IL16: variants seen among roughly 807,000 people sequenced by gnomAD.
The protein encoded by IL16 is pro-interleukin-16.
In IL16, 67 loss-of-function variants were observed where a neutral mutation model predicts 110.1. The ratio of observed to expected loss-of-function variants is 0.61; its 90% CI spans 0.50 to 0.75. The LOEUF (loss-of-function observed/expected upper bound fraction) is 0.75. Ranked by LOEUF, IL16 falls within the 30% of genes least tolerant of loss-of-function variation. The pLI, the probability that IL16 is intolerant of heterozygous loss-of-function variation, is 0.00. For synonymous variants in IL16, 689 were observed against 662.9 expected (o/e 1.04, Z -0.61); for missense variants, 1,545 against 1,655.0 (o/e 0.93, Z 1.15).
At chr15:81,238,675 A>C (rs1897251556) in intron 2 of IL16, among the ~76,000 whole-genome samples, 1 of 152,168 alleles carries the variant, frequency 6.6e-6, no homozygotes, top group Non-Finnish European at 1.5e-5. Flanking sequence ...ATAAAGGGAA[A>C]GATGATCTAT....
At chr15:81,270,550 C>T (rs1177537731) in intron 5 of IL16, among the ~76,000 whole-genome samples, 2 of 152,164 alleles carry the variant, frequency 1.3e-5, no homozygotes, top group African/African-American at 2.4e-5. Flanking sequence ...GATGCTGGGA[C>T]GAATGCTCCT....
intron 9 of IL16, among the ~76,000 whole-genome samples, chr15:81,284,004 GA>G (rs565288106): frequency 0.012 from 1,009 of 82,708 alleles, 8 homozygotes; most frequent in Admixed American, 0.028. Context: ...CCCTGTCTCA[GA>G]AAAAAAAAAA....
chr15:81,227,835 T>C (rs1368734979), intron 2 of IL16, among the ~76,000 whole-genome samples: 1 of 151,496 alleles, frequency 6.6e-6, no homozygotes, highest in Non-Finnish European at 1.5e-5. Context: ...ATGGCCAAGG[T>C]AGGGATTTGT....
chr15:81,228,766 C>A (rs191158868), intron 2 of IL16, among the ~76,000 whole-genome samples: 16 of 152,204 alleles, frequency 1.1e-4, no homozygotes, highest in African/African-American at 3.9e-4. Flanking sequence ...ATTGCTATTT[C>A]TGAAGGGCAA....
chr15:81,273,190 G>C lies in IL16; in HGVS notation c.776G>C (p.Gly259Ala), dbSNP rs1397196539. The change falls in exon 6 of 19, where the codon GGA becomes GCA. Residue 259 changes from glycine (G) to alanine (A), a missense_variant. Physicochemically the swap from Gly to Ala is moderately conservative, Grantham distance 60. Transcript: ENST00000683961. ...GCAGGGGGAGCAGCAGCAGCCGATG[G>C]AAGGCTACAGGAAGGTAGGCTTCCC... is the stretch of plus-strand genomic sequence containing the variant. ...IFAGGAAAAD[G>A]RLQEGDEILE... 1.2e-6 allele frequency: 2 copies of C among 1,611,708 alleles called. No homozygotes were observed. The highest frequency in any genetic ancestry group is 2.7e-5 in the African/African-American group (2 of 74,890).
intron 1 of IL16, among the ~76,000 whole-genome samples, chr15:81,189,247 C>T (rs146874342): frequency 2.9e-4 from 44 of 152,030 alleles, no homozygotes; most frequent in Non-Finnish European, 6.2e-4. Flanking sequence ...CCTCAGCCTC[C>T]CGAGTAGCTG....
At chr15:81,305,714 T>G (rs1170186657) in intron 16 of IL16, 194 bp from the exon 17 acceptor site, 1 of 628,176 alleles carries the variant, frequency 1.6e-6, no homozygotes, top group African/African-American at 1.8e-5. Flanking sequence ...TTACTGCTGG[T>G]GATCTCTGCT....
At chr15:81,298,247 G>A (rs1461605523) in intron 13 of IL16, among the ~76,000 whole-genome samples, 2 of 152,348 alleles carry the variant, frequency 1.3e-5, no homozygotes, top group East Asian at 1.9e-4. Context: ...TCATCAAGGT[G>A]TAATGCTCCA....
chr15:81,215,689 A>G (rs1896400834), intron 1 of IL16, among the ~76,000 whole-genome samples: 2 of 152,064 alleles, frequency 1.3e-5, no homozygotes, highest in Admixed American at 1.3e-4. Context: ...TTCTGGATTG[A>G]CCCTGTGGAG....
chr15:81,247,926 A>C (rs1327847907), intron 2 of IL16, among the ~76,000 whole-genome samples: 1 of 152,186 alleles, frequency 6.6e-6, no homozygotes, highest in South Asian at 2.1e-4. Flanking sequence ...ATGACCCCGT[A>C]TAAGATTATT....
Position 81,225,425 on chromosome 15 carries a change from A to C in IL16, c.26A>C (p.Lys9Thr), listed in dbSNP as rs765933501. 26 of 1,614,054 alleles carry C rather than the reference A, an allele frequency of 1.6e-5. No individual in the cohort carries two copies. In the African/African-American group the frequency reaches 2.7e-4, roughly 17 times the overall value. The part of the protein sequence containing the change: MESHSRAG[K>T]SRKSAKFRSI... The stretch of plus-strand genomic sequence containing the variant: ...ATGGAGTCGCACAGCCGCGCTGGAA[A>C]GAGCAGAAAATCTGCAAAATTTCGG... The change falls in exon 2 of 19, where the codon AAG (lysine) becomes ACG (threonine). Residue 9 changes from lysine to threonine, a missense_variant. Lys to Thr is a moderately conservative substitution (Grantham distance 78). Coordinates refer to ENST00000683961, the MANE Select transcript of IL16 (RefSeq NM_172217.5).
chr15:81,184,143 A>T lies in IL16; in HGVS notation c.40+1247A>T, dbSNP rs79192519. ...GGAGGCAGATGACATGGATGCATTT[A>T]CTTCCACTGGGGATCTTCGAGGGTG... On this transcript the variant is annotated intron_variant, in intron 1 of 18. Coordinates refer to the IL16 transcript ENST00000302987. Among the ~76,000 whole-genome samples, 68 of 152,320 alleles carry T rather than the reference A, an allele frequency of 4.5e-4. No homozygotes were observed. The East Asian group carries it at 0.011, about 26-fold the overall frequency.
At chr15:81,207,351 T>C (rs901847016) in intron 1 of IL16, among the ~76,000 whole-genome samples, 1 of 152,162 alleles carries the variant, frequency 6.6e-6, no homozygotes, top group African/African-American at 2.4e-5. Flanking sequence ...ATCTGCATCT[T>C]ACAGATTTTT....
intron 1 of IL16, among the ~76,000 whole-genome samples, chr15:81,183,663 G>T (rs753966468): frequency 3.5e-4 from 54 of 152,322 alleles, no homozygotes; most frequent in Middle Eastern, 6.8e-3. Context: ...GCTACAGAAA[G>T]ATATGGCTAG....
Position 81,313,225 on chromosome 15 carries a change from G to A in IL16, c.*4427G>A, listed in dbSNP as rs375012991. ...CAGCTGGAGCTCCTCGATGAGTCACGGGAGTTCTTTGCCAAGAAGTAACGA... is the reference window on the plus strand; with the variant it reads ...CAGCTGGAGCTCCTCGATGAGTCACAGGAGTTCTTTGCCAAGAAGTAACGA... On this transcript the variant is annotated 3_prime_UTR_variant, in exon 19 of 19. Transcript: ENST00000683961. The A allele has an allele frequency of 1.1e-4, 161 of 1,513,194 alleles. 1 individual carries two copies. Among genetic ancestry groups the A allele is most frequent in the Admixed American group, 1.2e-4 (6 of 48,646 alleles). 93.7% of individuals were successfully genotyped at this position (1,513,194 alleles called of 1,614,324 possible).
chr15:81,260,000 C>T, intron 3 of IL16, 120 bp downstream of exon 3: 1 of 661,212 alleles, frequency 1.5e-6, no homozygotes, highest in Non-Finnish European at 2.7e-6. Flanking sequence ...TTGGAGTCTG[C>T]TCAGCTTCAT....
At chr15:81,274,734 A>G (rs758789270) in intron 6 of IL16, among the ~76,000 whole-genome samples, 1 of 152,248 alleles carries the variant, frequency 6.6e-6, no homozygotes, top group Non-Finnish European at 1.5e-5. Flanking sequence ...ATGTTACAGC[A>G]TAGTGTGGAG....
intron 1 of IL16, among the ~76,000 whole-genome samples, chr15:81,213,074 T>TA (rs1896306305): frequency 1.3e-5 from 2 of 152,294 alleles, no homozygotes; most frequent in African/African-American, 4.8e-5. Flanking sequence ...GAGATTTTGG[T>TA]AAGTTGTATC....
At chr15:81,223,048 A>G (rs749193659) in intron 1 of IL16, among the ~76,000 whole-genome samples, 32 of 152,160 alleles carry the variant, frequency 2.1e-4, no homozygotes, top group Non-Finnish European at 5.9e-5. Flanking sequence ...CTTAAAACGT[A>G]TGTATTCTTC....
Sources: gnomAD v4.1 joint callset for allele counts (sites outside exome capture counted in the v4.1 genomes callset) on GRCh38, gnomAD v4.1.1 for gene constraint, MANE v1.5 for transcripts, NCBI Gene and HGNC (gene_info 2026-07-23, HGNC 2026-07-21) for gene names.